Variants in PAG1 observed in about 807,000 individuals in gnomAD.
The protein encoded by PAG1 is phosphoprotein membrane anchor with glycosphingolipid microdomains 1.
Under a neutral mutation model 31.7 loss-of-function variants are expected in PAG1, and 23 were observed. The observed-to-expected ratio is 0.73, with a 90% CI of 0.52 to 1.03. The LOEUF (loss-of-function observed/expected upper bound fraction) is 1.03, where lower values mean the gene tolerates loss of function less well. Among genes scored for constraint, PAG1 ranks in the 50% least tolerant of loss-of-function variants. PAG1 has a pLI of 0.00. For missense variants in PAG1, 473 were observed against 540.7 expected, an observed-to-expected ratio of 0.87 and a Z score of 1.24; for synonymous variants, 214 against 210.3, an observed-to-expected ratio of 1.02 and a Z score of -0.15.
intron 2 of PAG1, among the ~76,000 whole-genome samples, chr8:81,035,802 C>T (rs951035359): frequency 6.6e-6 from 1 of 151,734 alleles, no homozygotes; most frequent in African/African-American, 2.4e-5. Context: ...TTCTGTCCAC[C>T]CACATTATTT....
chr8:81,106,252 G>T (rs573868654), intron 1 of PAG1, among the ~76,000 whole-genome samples: 5 of 152,190 alleles, frequency 3.3e-5, no homozygotes, highest in Middle Eastern at 6.8e-3. Flanking sequence ...CACCATGTTG[G>T]CCAGGCTGGT....
rs1220775870 is a variant in PAG1, at chr8:80,972,848, G to A, written c.*3696C>T. On this transcript the variant is annotated 3_prime_UTR_variant, in exon 9 of 9. Transcript: ENST00000220597. ...TTTCCAACAAAAGTTCATCACACTA[G>A]CAGGATAAACATTCAAAATACATAA... 6.6e-6 allele frequency: 1 copy of A among 151,860 alleles called. No homozygotes were observed. The highest frequency in any genetic ancestry group is 1.5e-5 in the Non-Finnish European group (1 of 67,992). The allele number at this position is 151,860 out of a possible 1,614,324, so 9.4% of individuals were successfully genotyped here. A position where few individuals can be genotyped will look rare whatever the true frequency, so the allele number is the denominator to read the frequency against.
At chr8:80,983,278 A>G (rs1807345390) in intron 7 of PAG1, among the ~76,000 whole-genome samples, 1 of 152,128 alleles carries the variant, frequency 6.6e-6, no homozygotes, top group Non-Finnish European at 1.5e-5. Flanking sequence ...CGTCACCTTC[A>G]TAGCTGGGCA....
At chr8:81,000,871 G>T (rs1807772905) in intron 3 of PAG1, among the ~76,000 whole-genome samples, 1 of 152,144 alleles carries the variant, frequency 6.6e-6, no homozygotes, top group African/African-American at 2.4e-5. Flanking sequence ...CCCGCAGCAG[G>T]CCTGTCAACT....
At chr8:81,102,485 C>A (rs913496243) in intron 1 of PAG1, among the ~76,000 whole-genome samples, 1 of 152,084 alleles carries the variant, frequency 6.6e-6, no homozygotes, top group Non-Finnish European at 1.5e-5. Context: ...TAGGGATAAG[C>A]ATTAGCACCA....
intron 1 of PAG1, among the ~76,000 whole-genome samples, chr8:81,086,051 G>A (rs1169504419): frequency 9.9e-5 from 12 of 121,770 alleles, no homozygotes; most frequent in Admixed American, 4.5e-4. Flanking sequence ...GCGCGATCTC[G>A]GCTCACTGCA....
At chr8:80,983,412 G>A (rs1442754323) in intron 7 of PAG1, among the ~76,000 whole-genome samples, 3 of 152,128 alleles carry the variant, frequency 2.0e-5, no homozygotes, top group Admixed American at 1.3e-4. Context: ...TAAGATGTAA[G>A]TTCCACAGGG....
intron 1 of PAG1, among the ~76,000 whole-genome samples, chr8:81,092,536 T>C (rs933040674): frequency 6.6e-6 from 1 of 152,238 alleles, no homozygotes; most frequent in Non-Finnish European, 1.5e-5. Flanking sequence ...GGTTTCTAAA[T>C]GTCAACTAAC....
intron 5 of PAG1, among the ~76,000 whole-genome samples, chr8:80,989,958 A>C (rs1200148611): frequency 6.6e-6 from 1 of 152,130 alleles, no homozygotes; most frequent in Non-Finnish European, 1.5e-5. Flanking sequence ...AACTGGCACC[A>C]GGAGAATGGT....
chr8:81,069,455 T>C (rs893072181), intron 2 of PAG1, among the ~76,000 whole-genome samples: 2 of 152,208 alleles, frequency 1.3e-5, no homozygotes, highest in Non-Finnish European at 2.9e-5. Flanking sequence ...CCAGGATTCA[T>C]TATAAACACT....
intron 1 of PAG1, among the ~76,000 whole-genome samples, chr8:81,071,307 G>A (rs765792931): frequency 1.1e-4 from 16 of 152,164 alleles, no homozygotes; most frequent in Non-Finnish European, 1.6e-4. Flanking sequence ...TAGAAGGTGA[G>A]AGAAGGTTCC....
At chr8:81,074,699 A>C (rs193191867) in intron 1 of PAG1, among the ~76,000 whole-genome samples, 2 of 152,326 alleles carry the variant, frequency 1.3e-5, no homozygotes, top group African/African-American at 4.8e-5. Context: ...TAAGACCCCC[A>C]GGTGATTCAC....
At chr8:81,029,757 C>T (rs1002243054) in intron 3 of PAG1, 5 of 152,176 alleles carry the variant, frequency 3.3e-5, no homozygotes, top group East Asian at 1.9e-4. Flanking sequence ...ATTTCCCACA[C>T]ATTTTTCGTA....
intron 1 of PAG1, among the ~76,000 whole-genome samples, chr8:81,090,372 T>C (rs943593804): frequency 2.0e-5 from 3 of 152,350 alleles, no homozygotes; most frequent in Middle Eastern, 3.4e-3. Context: ...GACATTCTGT[T>C]ACTTAGATGA....
At chr8:81,092,042 A>T (rs1809454794) in intron 1 of PAG1, among the ~76,000 whole-genome samples, 1 of 151,146 alleles carries the variant, frequency 6.6e-6, no homozygotes, top group African/African-American at 2.4e-5. Context: ...ATATTAGTTT[A>T]GGCATCTGTC....
rs1807179660 is a variant in PAG1 at position 80,976,396 on chromosome 8, C to A, written c.*148G>T. ...CCTCTCTGTCTCAGAAACTGAACAA[C>A]TGGGAGAACAGTCGACAGGGCCTCT... On this transcript the variant is annotated 3_prime_UTR_variant, in exon 9 of 9. Coordinates refer to ENST00000220597, the MANE Select transcript of PAG1 (RefSeq NM_018440.4). 3.9e-6 allele frequency: 3 copies of A among 774,298 alleles called. No individual in the cohort carries two copies. The highest frequency in any genetic ancestry group is 6.1e-6 in the Non-Finnish European group (3 of 490,584). 48.0% of individuals were successfully genotyped at this position (774,298 alleles called of 1,614,324 possible).
At chr8:81,014,187 T>C (rs1449464398) in intron 3 of PAG1, among the ~76,000 whole-genome samples, 2 of 152,216 alleles carry the variant, frequency 1.3e-5, no homozygotes, top group East Asian at 3.8e-4. Flanking sequence ...AAATTTAGAA[T>C]ATCAAGCCCC....
chr8:81,075,159 A>G (rs533544356), intron 1 of PAG1, among the ~76,000 whole-genome samples: 8 of 152,338 alleles, frequency 5.3e-5, no homozygotes, highest in African/African-American at 1.9e-4. Context: ...ATGTGTCCAT[A>G]TAGATCTATT....
chr8:81,059,233 A>C (rs537796751), intron 2 of PAG1, among the ~76,000 whole-genome samples: 3 of 152,094 alleles, frequency 2.0e-5, no homozygotes, highest in Non-Finnish European at 4.4e-5. Flanking sequence ...GAGAATAACA[A>C]GAAATAAAGT....
Sources: allele counts gnomAD v4.1 joint callset (sites outside exome capture counted in the v4.1 genomes callset), GRCh38; gene constraint gnomAD v4.1.1; transcripts MANE v1.5; gene names NCBI Gene and HGNC (gene_info 2026-07-23, HGNC 2026-07-21).